CHLSN: variants seen among roughly 807,000 people sequenced by gnomAD.
The protein encoded by CHLSN is protein cholesin.
chr7:1,010,162 A>C, the CHLSN span: 1 of 1,597,434 alleles, frequency 6.3e-7, no homozygotes, highest in Middle Eastern at 1.7e-4. Flanking sequence ...CAAGGAACAC[A>C]TTAGGCTTCG....
At chr7:1,009,010 C>CGT in the CHLSN span, among the ~76,000 whole-genome samples, 2 of 145,544 alleles carry the variant, frequency 1.4e-5, no homozygotes, top group Non-Finnish European at 3.0e-5. Flanking sequence ...CGCACACACA[C>CGT]ACACATACAC....
At chr7:1,088,516 G>A in the CHLSN span, among the ~76,000 whole-genome samples, 595 of 152,270 alleles carry the variant, frequency 3.9e-3, 5 homozygotes, top group African/African-American at 0.014. The surrounding 1 kb of genome is among the most constrained non-coding windows in gnomAD (Gnocchi z 4.5). Context: ...TGGTCTCAGC[G>A]TGACCGCAGC....
chr7:1,123,157 C>T, the CHLSN span, among the ~76,000 whole-genome samples: 2 of 152,356 alleles, frequency 1.3e-5, no homozygotes, highest in South Asian at 4.1e-4. This position sits in a 1 kb window ranked among gnomAD's most constrained non-coding sequence, Gnocchi z 4.4. Context: ...GGGACTGAAG[C>T]CTGGGAGAGT....
the CHLSN span, among the ~76,000 whole-genome samples, chr7:1,135,928 T>C: frequency 8.2e-6 from 1 of 122,634 alleles, no homozygotes; most frequent in Non-Finnish European, 1.6e-5. Flanking sequence ...TAAGTATATA[T>C]AAATATATAA....
At chr7:1,014,041 G>A in the CHLSN span, among the ~76,000 whole-genome samples, 4 of 152,144 alleles carry the variant, frequency 2.6e-5, no homozygotes, top group South Asian at 2.1e-4. Context: ...CTGCACCTAC[G>A]CTGTGTATTT....
the CHLSN span, among the ~76,000 whole-genome samples, chr7:1,135,960 TATATATAAGTATATATAA>T: frequency 8.5e-6 from 1 of 116,960 alleles, no homozygotes; most frequent in Non-Finnish European, 1.6e-5. Flanking sequence ...TATATATAAA[TATATATAAGTATATATAA>T]ATATATAAGC....
the CHLSN span, among the ~76,000 whole-genome samples, chr7:1,002,717 CCCTGT>C: frequency 1.6e-5 from 1 of 61,336 alleles, no homozygotes; most frequent in African/African-American, 1.1e-4. Context: ...GTGAGTGGAG[CCCTGT>C]GGGTGAGTGG....
the CHLSN span, among the ~76,000 whole-genome samples, chr7:1,129,737 C>T: frequency 2.6e-5 from 4 of 152,216 alleles, no homozygotes; most frequent in African/African-American, 7.2e-5. Context: ...GCCACCATGC[C>T]CAGCCCCGTT....
the CHLSN span, among the ~76,000 whole-genome samples, chr7:1,082,471 C>G: frequency 6.6e-6 from 1 of 152,208 alleles, no homozygotes; most frequent in Non-Finnish European, 1.5e-5. Context: ...ATGATCCATC[C>G]CCACTTAAAG....
chr7:1,057,454 C>A, the CHLSN span: 1 of 679,712 alleles, frequency 1.5e-6, no homozygotes, highest in Non-Finnish European at 2.7e-6. Context: ...GGCTTTGGGA[C>A]GGGACGCGAG....
At chr7:1,077,580 C>A in the CHLSN span, among the ~76,000 whole-genome samples, 1 of 152,266 alleles carries the variant, frequency 6.6e-6, no homozygotes. Flanking sequence ...ACGTGCAAGC[C>A]CTCAGGTGCC....
the CHLSN span, among the ~76,000 whole-genome samples, chr7:1,111,687 A>G: frequency 2.0e-5 from 3 of 152,200 alleles, no homozygotes; most frequent in Non-Finnish European, 4.4e-5. Flanking sequence ...CTGTGGTCCC[A>G]GCTACTTGGG....
chr7:1,052,596 G>A, the CHLSN span, among the ~76,000 whole-genome samples: 3 of 152,136 alleles, frequency 2.0e-5, no homozygotes, highest in African/African-American at 4.8e-5. The surrounding 1 kb of genome is among the most constrained non-coding windows in gnomAD (Gnocchi z 4.2). Context: ...CCAGGAACTG[G>A]GGGAGAAGCT....
At chr7:1,061,769 CT>C in the CHLSN span, among the ~76,000 whole-genome samples, 1 of 151,922 alleles carries the variant, frequency 6.6e-6, no homozygotes, top group African/African-American at 2.4e-5. Flanking sequence ...AGGCAGCCGT[CT>C]CCCCAACTCC....
the CHLSN span, among the ~76,000 whole-genome samples, chr7:1,078,657 G>C: frequency 6.6e-6 from 1 of 152,156 alleles, no homozygotes; most frequent in South Asian, 2.1e-4. Flanking sequence ...CGGGGGGTTG[G>C]CTAGTCTGCA....
At chr7:1,066,271 C>T in the CHLSN span, among the ~76,000 whole-genome samples, 1 of 152,226 alleles carries the variant, frequency 6.6e-6, no homozygotes, top group Non-Finnish European at 1.5e-5. Flanking sequence ...AACGCAGCAA[C>T]GGTGCGGCCG....
the CHLSN span, among the ~76,000 whole-genome samples, chr7:1,017,285 G>A: frequency 6.6e-6 from 1 of 152,222 alleles, no homozygotes; most frequent in African/African-American, 2.4e-5. Flanking sequence ...AATTGGAGCT[G>A]CGGGGAGGGA....
chr7:1,131,998 A>G, the CHLSN span, among the ~76,000 whole-genome samples: 2 of 152,336 alleles, frequency 1.3e-5, 1 homozygote, highest in Admixed American at 1.3e-4. Context: ...ACAACTGGCT[A>G]CCAACATATA....
At chr7:1,010,351 C>T in the CHLSN span, among the ~76,000 whole-genome samples, 1 of 152,244 alleles carries the variant, frequency 6.6e-6, no homozygotes, top group African/African-American at 2.4e-5. Flanking sequence ...GCCAGTCCTG[C>T]GGGCAGGCGC....
Sources: gnomAD v4.1 joint callset for allele counts (sites outside exome capture counted in the v4.1 genomes callset) on GRCh38, gnomAD v4.1.1 for gene constraint, Gnocchi (gnomAD v3.1) non-coding constraint, MANE v1.5 for transcripts, NCBI Gene and HGNC (gene_info 2026-07-23, HGNC 2026-07-21) for gene names.